The following SNRK variants were observed in gnomAD, a reference collection of about 807,000 sequenced individuals.
SNRK encodes the protein SNF-related serine/threonine-protein kinase.
A neutral mutation model predicts 48.2 loss-of-function variants in SNRK; 3 were observed. The observed-to-expected ratio is 0.06, with a 90% CI of 0.03 to 0.16. SNRK has a LOEUF of 0.16. Among genes scored for constraint, SNRK ranks in the 10% least tolerant of loss-of-function variants. The probability of loss-of-function intolerance (pLI) is 1.00; values close to 1 mark genes in which losing one functional copy is unlikely to be tolerated. For synonymous variants in SNRK, 376 were observed against 366.1 expected (o/e 1.03, Z -0.31); for missense variants, 627 against 976.0 (o/e 0.64, Z 4.76).
Position 43,327,188 on chromosome 3 carries a change from T to C in SNRK, c.590-4981T>C, listed in dbSNP as rs568295194. On this transcript the variant is annotated intron_variant, in intron 3 of 6. Transcript: ENST00000296088. ...CAGACAAGTAGTTCTTCTGTGTAAA[T>C]AGGAATTCAGATGGATAAACATGGG... Among the ~76,000 whole-genome samples, 5 of 152,316 alleles carry C rather than the reference T, an allele frequency of 3.3e-5. No individual in the cohort carries two copies. In the East Asian group the frequency reaches 5.8e-4, roughly 18 times the overall value.
chr3:43,319,796 T>C (rs1213534322), intron 3 of SNRK, among the ~76,000 whole-genome samples: 1 of 152,216 alleles, frequency 6.6e-6, no homozygotes, highest in East Asian at 1.9e-4. Flanking sequence ...TCCCAATCTC[T>C]TTGCTGATGT....
intron 1 of SNRK, among the ~76,000 whole-genome samples, chr3:43,299,398 G>T (rs2090881672): frequency 6.6e-6 from 1 of 152,042 alleles, no homozygotes; most frequent in Non-Finnish European, 1.5e-5. Flanking sequence ...GGCAAGTCTT[G>T]AGCTCCTGAC....
intron 5 of SNRK, 51 bp from the exon 6 acceptor site, chr3:43,343,292 TA>T (rs913425199): frequency 1.3e-6 from 2 of 1,526,890 alleles, no homozygotes; most frequent in East Asian, 2.4e-5. Flanking sequence ...CTGCTTCTTG[TA>T]AAAAAACCTC....
intron 4 of SNRK, among the ~76,000 whole-genome samples, chr3:43,335,038 T>G (rs1575556094): frequency 2.6e-5 from 4 of 152,210 alleles, no homozygotes; most frequent in Admixed American, 2.6e-4. Context: ...AGTCTTTTTC[T>G]AAGAACTACC....
chr3:43,306,236 A>C (rs914165496), intron 3 of SNRK, among the ~76,000 whole-genome samples: 1 of 126,426 alleles, frequency 7.9e-6, no homozygotes. Context: ...GCTATTTTTA[A>C]AAAAAAGGAC....
intron 4 of SNRK, 52 bp downstream of exon 4, chr3:43,332,362 AG>A: frequency 8.1e-7 from 1 of 1,234,868 alleles, no homozygotes. Context: ...TAAAACCAGA[AG>A]TTTTAATTCC....
rs754279847 is a variant in SNRK, at chr3:43,348,515, G to A, written c.2256G>A (p.Leu752=). The A allele has an allele frequency of 1.1e-5, 17 of 1,563,288 alleles. No individual in the cohort carries two copies. In the East Asian group the frequency reaches 3.8e-4, roughly 35 times the overall value. ...TCCAGCGGAACCCTAAGGAGGGGCT[G>A]CTGTGCGCATCCAGCCCAGCCAGCT... is the stretch of plus-strand genomic sequence containing the variant. ...VNIQRNPKEG[L]LCASSPASCC... The change falls in exon 7 of 7, where the codon CTG becomes CTA. Residue 752 remains leucine, a synonymous_variant. Coordinates refer to ENST00000296088, the MANE Select transcript of SNRK (RefSeq NM_017719.5).
At chr3:43,317,463 C>G (rs1459464341) in intron 3 of SNRK, among the ~76,000 whole-genome samples, 4 of 152,122 alleles carry the variant, frequency 2.6e-5, no homozygotes, top group African/African-American at 9.7e-5. Context: ...CAATGTTTAC[C>G]CTTTCTTTGT....
intron 3 of SNRK, among the ~76,000 whole-genome samples, chr3:43,321,068 A>G (rs1430789705): frequency 6.6e-6 from 1 of 152,014 alleles, no homozygotes; most frequent in African/African-American, 2.4e-5. Context: ...TTGTGAGGTG[A>G]GGTACCTTGC....
chr3:43,307,420 C>T (rs77145152), intron 3 of SNRK, among the ~76,000 whole-genome samples: 14,780 of 152,058 alleles, frequency 0.097, 969 homozygotes, highest in Non-Finnish European at 0.14. Flanking sequence ...TGAAGGTTGC[C>T]GCAACCCTTC....
chr3:43,290,098 T>C (rs2090799335), intron 1 of SNRK, among the ~76,000 whole-genome samples: 1 of 152,182 alleles, frequency 6.6e-6, no homozygotes. Context: ...TGGGCCTCAA[T>C]TTCTTAATTG....
At position 43,326,969 on chromosome 3, in the gene SNRK, A is replaced by G. The variant is rs9879644; in HGVS notation, c.590-5200A>G. Among the ~76,000 whole-genome samples the G allele has an allele frequency of 1.5e-3, 221 of 152,334 alleles. 1 individual carries two copies. The highest frequency in any genetic ancestry group is 5.1e-3 in the African/African-American group (212 of 41,566). ...CGATAAAACCAGGAATACTAGACAT[A>G]TCAGAAAATAGATCTAAAAAACTTG... On this transcript the variant is annotated intron_variant, in intron 3 of 6. Transcript: ENST00000296088.
chr3:43,313,527 G>C (rs945200261), intron 3 of SNRK, among the ~76,000 whole-genome samples: 1 of 152,322 alleles, frequency 6.6e-6, no homozygotes, highest in African/African-American at 2.4e-5. Context: ...ATTGGTGGCT[G>C]CCAGGAATTA....
At chr3:43,305,241 C>G (rs1318030165) in intron 3 of SNRK, among the ~76,000 whole-genome samples, 2 of 152,056 alleles carry the variant, frequency 1.3e-5, no homozygotes, top group Admixed American at 1.3e-4. Context: ...ATCTGATAAC[C>G]TAGCAGTTCT....
intron 3 of SNRK, among the ~76,000 whole-genome samples, chr3:43,311,062 G>T (rs1184726785): frequency 6.6e-6 from 1 of 152,116 alleles, no homozygotes; most frequent in East Asian, 1.9e-4. Context: ...TAACTGGGAA[G>T]CCCTGGTATC....
chr3:43,348,565 C>A lies in SNRK; in HGVS notation c.*8C>A. The A allele has an allele frequency of 6.6e-7, 1 of 1,521,702 alleles. No homozygotes were observed. 94.3% of individuals were successfully genotyped at this position (1,521,702 alleles called of 1,614,324 possible). A position where few individuals can be genotyped will look rare whatever the true frequency, so the allele number is the denominator to read the frequency against. ...TGTTGCCATGTCATCTGACTGTGGC[C>A]CCATCTGGCCGCTAGCACGCTTCCT... On this transcript the variant is annotated 3_prime_UTR_variant, in exon 7 of 7. Transcript: ENST00000296088.
intron 1 of SNRK, among the ~76,000 whole-genome samples, chr3:43,292,924 T>C (rs567315328): frequency 9.2e-5 from 14 of 152,340 alleles, no homozygotes; most frequent in African/African-American, 2.6e-4. Flanking sequence ...TACATAGATA[T>C]ACATGTGCCA....
intron 6 of SNRK, among the ~76,000 whole-genome samples, chr3:43,345,682 G>C (rs1200398042): frequency 6.6e-6 from 1 of 152,188 alleles, no homozygotes; most frequent in Non-Finnish European, 1.5e-5. Flanking sequence ...AGTCCCAGAT[G>C]CCATCTCAAG....
At chr3:43,306,194 G>A (rs1432675281) in intron 3 of SNRK, among the ~76,000 whole-genome samples, 1 of 151,948 alleles carries the variant, frequency 6.6e-6, no homozygotes, top group Admixed American at 6.6e-5. Flanking sequence ...AATTTATATT[G>A]TGTGATGTGT....
Sources: gnomAD v4.1 joint callset for allele counts (sites outside exome capture counted in the v4.1 genomes callset) on GRCh38, gnomAD v4.1.1 for gene constraint, MANE v1.5 for transcripts, NCBI Gene and HGNC (gene_info 2026-07-23, HGNC 2026-07-21) for gene names.